CDH4: variants seen among roughly 807,000 people sequenced by gnomAD.
The protein encoded by CDH4 is cadherin-4.
A neutral mutation model predicts 86.0 loss-of-function variants in CDH4; 33 were observed. That is an observed-to-expected ratio of 0.38 (90% CI 0.29 to 0.51). CDH4 has a LOEUF of 0.51. CDH4 is among the 20% of genes least tolerant of loss of function. CDH4 has a pLI of 0.86. For synonymous variants in CDH4, 555 were observed against 549.4 expected (o/e 1.01, Z -0.14); for missense variants, 1,114 against 1,307.4 (o/e 0.85, Z 2.28).
At chr20:61,285,950 C>T (rs929077796) in intron 2 of CDH4, among the ~76,000 whole-genome samples, 2 of 152,196 alleles carry the variant, frequency 1.3e-5, no homozygotes, top group African/African-American at 2.4e-5. Flanking sequence ...ATCCCAGATC[C>T]GGACACCTGA....
chr20:61,696,946 A>G (rs2087720775), intron 2 of CDH4, among the ~76,000 whole-genome samples: 1 of 152,176 alleles, frequency 6.6e-6, no homozygotes, highest in African/African-American at 2.4e-5. Flanking sequence ...AGGCCGCAAG[A>G]AGACAGAGGC....
Position 61,928,272 on chromosome 20 carries a change from G to T in CDH4, c.1854G>T (p.Lys618Asn), listed in dbSNP as rs1302417277. The T allele has an allele frequency of 3.1e-6, 5 of 1,609,436 alleles. No individual in the cohort carries two copies. In the Admixed American group the frequency reaches 8.3e-5, roughly 27 times the overall value. The change falls in exon 12 of 16, where the codon AAG becomes AAT. Residue 618 changes from lysine (K) to asparagine (N), a missense_variant. Transcript: ENST00000614565. ...ACAACGCCCCTGAGCTGCTGCCCAAGGAGGCGCAGATCTGCGAGAAGCCCA... is the reference window on the plus strand; with the variant it reads ...ACAACGCCCCTGAGCTGCTGCCCAATGAGGCGCAGATCTGCGAGAAGCCCA... ...INDNAPELLP[K>N]EAQICEKPNL...
intron 2 of CDH4, among the ~76,000 whole-genome samples, chr20:61,613,718 A>T (rs894879275): frequency 1.3e-5 from 2 of 152,018 alleles, no homozygotes; most frequent in Admixed American, 6.5e-5. Context: ...GTTCCCCTTC[A>T]CTGCTTTCTA....
intron 4 of CDH4, among the ~76,000 whole-genome samples, chr20:61,831,031 C>T (rs747400061): frequency 1.3e-5 from 2 of 152,090 alleles, no homozygotes; most frequent in Non-Finnish European, 2.9e-5. Flanking sequence ...GAAAGAGGGC[C>T]GGGGTCTCGC....
chr20:61,760,578 G>C (rs913614373), intron 3 of CDH4, among the ~76,000 whole-genome samples: 1 of 151,970 alleles, frequency 6.6e-6, no homozygotes, highest in East Asian at 1.9e-4. Context: ...CTGGCTTCCC[G>C]CCCCTACTCC....
rs183241182 is a variant in CDH4, at chr20:61,732,748, C to T, written c.170-10815C>T. On this transcript the variant is annotated intron_variant, in intron 2 of 15. Coordinates refer to ENST00000614565, the MANE Select transcript of CDH4 (RefSeq NM_001794.5). ...CTCGGTGTGCACCGCTCGTCCCCCA[C>T]GCCTGTGAGAGTGCTCATAGGCGAT... Among the ~76,000 whole-genome samples the T allele has an allele frequency of 3.5e-3, 536 of 152,346 alleles. 2 individuals are homozygous for T. The highest frequency in any genetic ancestry group is 0.012 in the African/African-American group (509 of 41,588).
intron 2 of CDH4, among the ~76,000 whole-genome samples, chr20:61,297,177 G>A (rs1314536820): frequency 6.6e-6 from 1 of 152,192 alleles, no homozygotes; most frequent in Admixed American, 6.5e-5. Context: ...GCTGAGGTCA[G>A]GAGTTCGAGA....
chr20:61,635,314 T>C (rs1462362490), intron 2 of CDH4, among the ~76,000 whole-genome samples: 1 of 152,212 alleles, frequency 6.6e-6, no homozygotes, highest in Non-Finnish European at 1.5e-5. Flanking sequence ...AATGTCTGTT[T>C]TTTTATAATA....
At chr20:61,489,954 A>G (rs2085616915) in intron 2 of CDH4, among the ~76,000 whole-genome samples, 1 of 152,152 alleles carries the variant, frequency 6.6e-6, no homozygotes, top group African/African-American at 2.4e-5. Context: ...CATGGGCCCA[A>G]GGAGTTGTAT....
At chr20:61,374,103 G>A (rs1446558922) in intron 2 of CDH4, among the ~76,000 whole-genome samples, 1 of 152,170 alleles carries the variant, frequency 6.6e-6, no homozygotes, top group Non-Finnish European at 1.5e-5. Context: ...CATCTATCAA[G>A]CACTGTCACA....
At chr20:61,320,953 C>T (rs1409295615) in intron 2 of CDH4, among the ~76,000 whole-genome samples, 1 of 152,012 alleles carries the variant, frequency 6.6e-6, no homozygotes, top group African/African-American at 2.4e-5. Context: ...CTCTTCCTGC[C>T]CCTGCTGTGG....
At chr20:61,444,269 GTGTGTATGTGTATGTATGTGTGGGTT>G (rs2085330935) in intron 2 of CDH4, among the ~76,000 whole-genome samples, 1 of 150,598 alleles carries the variant, frequency 6.6e-6, no homozygotes, top group African/African-American at 2.4e-5. Flanking sequence ...CTATGTGTGT[GTGTGTATGTGTATGTATGTGTGGGTT>G]TCTTTGTGTA....
chr20:61,602,335 TA>T (rs1397678517), intron 2 of CDH4, among the ~76,000 whole-genome samples: 4 of 152,152 alleles, frequency 2.6e-5, no homozygotes, highest in Middle Eastern at 3.2e-3. Flanking sequence ...AGGATGACCT[TA>T]AACTTCCAGA....
At chr20:61,542,333 T>A (rs1335807188) in intron 2 of CDH4, among the ~76,000 whole-genome samples, 1 of 152,216 alleles carries the variant, frequency 6.6e-6, no homozygotes, top group East Asian at 1.9e-4. Context: ...CACCTGCTTT[T>A]TCAACTTTCC....
chr20:61,293,713 G>A (rs2084336034), intron 2 of CDH4, among the ~76,000 whole-genome samples: 1 of 152,194 alleles, frequency 6.6e-6, no homozygotes. Flanking sequence ...GGAGGGAGGT[G>A]AGGACCTCCT....
intron 9 of CDH4, among the ~76,000 whole-genome samples, chr20:61,911,837 C>T (rs1273017885): frequency 1.3e-5 from 2 of 152,238 alleles, no homozygotes; most frequent in Non-Finnish European, 2.9e-5. Flanking sequence ...TATGCCAAAG[C>T]GTAAGGAAAA....
chr20:61,367,009 G>A (rs368027601), intron 2 of CDH4, among the ~76,000 whole-genome samples: 1 of 152,156 alleles, frequency 6.6e-6, no homozygotes, highest in African/African-American at 2.4e-5. Context: ...TGCAGGCAAC[G>A]AGACAGCGGG....
intron 2 of CDH4, among the ~76,000 whole-genome samples, chr20:61,643,404 C>T (rs1438535706): frequency 1.3e-5 from 2 of 152,210 alleles, no homozygotes; most frequent in Non-Finnish European, 2.9e-5. Flanking sequence ...AGGGGACAAA[C>T]ATTGAAACCA....
intron 2 of CDH4, among the ~76,000 whole-genome samples, chr20:61,330,426 T>C (rs2084566283): frequency 6.6e-6 from 1 of 152,222 alleles, no homozygotes; most frequent in Non-Finnish European, 1.5e-5. Flanking sequence ...CATGAGATGG[T>C]ATCTCATTGT....
Sources: allele counts gnomAD v4.1 joint callset (sites outside exome capture counted in the v4.1 genomes callset), GRCh38; gene constraint gnomAD v4.1.1; transcripts MANE v1.5; gene names NCBI Gene and HGNC (gene_info 2026-07-23, HGNC 2026-07-21).